Variants in GULP1 observed in about 807,000 individuals in gnomAD.
GULP1 encodes GULP PTB domain containing engulfment adaptor 1, also known as PTB domain-containing engulfment adapter protein 1.
A neutral mutation model predicts 40.9 loss-of-function variants in GULP1; 19 were observed. The ratio of observed to expected loss-of-function variants is 0.46; its 90% CI spans 0.32 to 0.68. The LOEUF is 0.68. Among genes scored for constraint, GULP1 ranks in the 30% least tolerant of loss-of-function variants. GULP1 has a pLI of 0.03. For synonymous variants in GULP1, 119 were observed against 117.6 expected (o/e 1.01, Z -0.08); for missense variants, 312 against 362.2 (o/e 0.86, Z 1.12).
intron 7 of GULP1, among the ~76,000 whole-genome samples, chr2:188,548,152 A>G (rs1404196455): frequency 6.6e-6 from 1 of 152,092 alleles, no homozygotes; most frequent in African/African-American, 2.4e-5. Flanking sequence ...AAAGCATATA[A>G]TAAATTTGCA....
At chr2:188,358,751 T>C (rs2152348851) in intron 1 of GULP1, among the ~76,000 whole-genome samples, 1 of 152,254 alleles carries the variant, frequency 6.6e-6, no homozygotes, top group East Asian at 1.9e-4. Flanking sequence ...TGCACAGTAT[T>C]TTATATGAAG....
rs373465899 is a variant in GULP1 at position 188,556,955 on chromosome 2, C to T, written c.400-12284C>T. Among the ~76,000 whole-genome samples, 12 of 151,568 alleles carry T rather than the reference C, an allele frequency of 7.9e-5. No homozygotes were observed. The South Asian group carries it at 1.9e-3, about 24-fold the overall frequency. ...AGGAGAATGGTGTGAACCTGGGAGGCGGAGCTTGCAGTGAGCCTAGATCGT... is the reference window on the plus strand; with the variant it reads ...AGGAGAATGGTGTGAACCTGGGAGGTGGAGCTTGCAGTGAGCCTAGATCGT... On this transcript the variant is annotated intron_variant, in intron 7 of 11. Transcript: ENST00000409830.
intron 2 of GULP1, among the ~76,000 whole-genome samples, chr2:188,438,333 A>G (rs2057605531): frequency 6.6e-6 from 1 of 151,776 alleles, no homozygotes; most frequent in South Asian, 2.1e-4. Flanking sequence ...AGTCACATCA[A>G]GAGTGTGATA....
At chr2:188,566,969 G>A (rs550451107) in intron 7 of GULP1, among the ~76,000 whole-genome samples, 10 of 152,000 alleles carry the variant, frequency 6.6e-5, no homozygotes, top group African/African-American at 2.4e-4. Flanking sequence ...AGCGGGCAAA[G>A]GATATGAAGA....
intron 2 of GULP1, among the ~76,000 whole-genome samples, chr2:188,428,981 G>T (rs1047783807): frequency 1.3e-5 from 2 of 151,886 alleles, no homozygotes; most frequent in African/African-American, 2.4e-5. Context: ...GACAGGAAAA[G>T]GATACTCACA....
intron 2 of GULP1, among the ~76,000 whole-genome samples, chr2:188,458,293 G>A (rs771035703): frequency 2.4e-4 from 37 of 152,026 alleles, no homozygotes; most frequent in Non-Finnish European, 4.4e-4. Context: ...GTTTTCTCCT[G>A]TTAACATAAT....
intron 3 of GULP1, among the ~76,000 whole-genome samples, chr2:188,481,836 T>C (rs1209630682): frequency 6.6e-6 from 1 of 151,994 alleles, no homozygotes; most frequent in East Asian, 1.9e-4. Flanking sequence ...TCTTGTTTTG[T>C]GTTTTATTGC....
At chr2:188,563,121 GA>G (rs1254333112) in intron 7 of GULP1, among the ~76,000 whole-genome samples, 7 of 151,812 alleles carry the variant, frequency 4.6e-5, no homozygotes, top group African/African-American at 1.7e-4. Flanking sequence ...ATGAAAACAA[GA>G]AAAACAAATC....
intron 2 of GULP1, among the ~76,000 whole-genome samples, chr2:188,456,602 A>G (rs1385525770): frequency 6.6e-6 from 1 of 152,200 alleles, no homozygotes; most frequent in Non-Finnish European, 1.5e-5. Flanking sequence ...AGTTTGCTGC[A>G]GGGGTGGGGT....
intron 2 of GULP1, among the ~76,000 whole-genome samples, chr2:188,402,796 GTAA>G (rs551500336): frequency 6.6e-6 from 1 of 151,530 alleles, no homozygotes. Flanking sequence ...ATTTTTAACA[GTAA>G]TAATAATAAT....
intron 2 of GULP1, among the ~76,000 whole-genome samples, chr2:188,411,473 A>G (rs951635772): frequency 6.6e-6 from 1 of 152,168 alleles, no homozygotes; most frequent in African/African-American, 2.4e-5. Flanking sequence ...TTTGTTCACG[A>G]GTCCACTGGG....
chr2:188,519,077 A>T (rs2065472110), intron 4 of GULP1, among the ~76,000 whole-genome samples: 1 of 152,194 alleles, frequency 6.6e-6, no homozygotes, highest in African/African-American at 2.4e-5. Context: ...AGTATAAGGC[A>T]TAAACTTTTT....
chr2:188,503,124 C>G (rs2063586420), intron 4 of GULP1, among the ~76,000 whole-genome samples: 2 of 151,898 alleles, frequency 1.3e-5, no homozygotes, highest in African/African-American at 4.8e-5. Flanking sequence ...AGTATTTAAA[C>G]CAAGCCTGTT....
At chr2:188,391,436 T>A (rs1211997076) in intron 2 of GULP1, among the ~76,000 whole-genome samples, 1 of 152,150 alleles carries the variant, frequency 6.6e-6, no homozygotes, top group African/African-American at 2.4e-5. Context: ...ATAGCAGTGC[T>A]ACTGATTTGT....
intron 1 of GULP1, among the ~76,000 whole-genome samples, chr2:188,356,020 A>G (rs573258531): frequency 6.6e-6 from 1 of 152,220 alleles, no homozygotes; most frequent in South Asian, 2.1e-4. Context: ...AATTATGTAT[A>G]GGAGGAACAT....
In GULP1 at chr2:188,595,541, TTTTG is replaced by T. The variant is rs1339441251; in HGVS notation, c.*1536_*1539del. ...GTTTCATAAAGAAGAGTCTTTATAATTTTGTTTGTCAGATAGTATTTTGGAATTT... is the reference window on the plus strand; with the variant it reads ...GTTTCATAAAGAAGAGTCTTTATAATTTTGTCAGATAGTATTTTGGAATTT... On this transcript the variant is annotated 3_prime_UTR_variant, in exon 12 of 12. Coordinates refer to ENST00000409830, the MANE Select transcript of GULP1 (RefSeq NM_016315.4). 7.2e-5 allele frequency: 11 copies of T among 152,172 alleles called. No individual in the cohort carries two copies. Among genetic ancestry groups the T allele is most frequent in the South Asian group, 2.1e-4 (1 of 4,830 alleles). 9.4% of individuals were successfully genotyped at this position (152,172 alleles called of 1,614,324 possible).
At chr2:188,580,778 G>T (rs1417353016) in intron 9 of GULP1, among the ~76,000 whole-genome samples, 2 of 152,012 alleles carry the variant, frequency 1.3e-5, no homozygotes, top group Non-Finnish European at 2.9e-5. Flanking sequence ...CCTCAGACTT[G>T]TTGGTCCTTA....
chr2:188,334,241 A>C (rs1417256286), intron 1 of GULP1, among the ~76,000 whole-genome samples: 1 of 152,214 alleles, frequency 6.6e-6, no homozygotes, highest in East Asian at 1.9e-4. Context: ...TAAGCATTCT[A>C]GAATATAATA....
intron 1 of GULP1, among the ~76,000 whole-genome samples, chr2:188,319,638 A>G (rs2039666357): frequency 6.6e-6 from 1 of 152,184 alleles, no homozygotes; most frequent in Admixed American, 6.6e-5. Context: ...TCAACAAGCC[A>G]GAAATGTAGC....
Sources: gnomAD v4.1 joint callset for allele counts (sites outside exome capture counted in the v4.1 genomes callset) on GRCh38, gnomAD v4.1.1 for gene constraint, MANE v1.5 for transcripts, NCBI Gene and HGNC (gene_info 2026-07-23, HGNC 2026-07-21) for gene names.